Variants in LHFPL3 observed in about 807,000 individuals in gnomAD.
The protein encoded by LHFPL3 is LHFPL tetraspan subfamily member 3, also known as LHFPL tetraspan subfamily member 3 protein.
A neutral mutation model predicts 19.3 loss-of-function variants in LHFPL3; 5 were observed. That is an observed-to-expected ratio of 0.26 (90% CI 0.14 to 0.54). The LOEUF (loss-of-function observed/expected upper bound fraction) is 0.54. Among genes scored for constraint, LHFPL3 ranks in the 20% least tolerant of loss-of-function variants. The pLI is 0.94. For missense variants in LHFPL3, 249 were observed against 307.4 expected (o/e 0.81, Z 1.42); for synonymous variants, 133 against 126.2 (o/e 1.05, Z -0.36).
At chr7:104,881,400 C>T (rs975755538) in intron 2 of LHFPL3, among the ~76,000 whole-genome samples, 16 of 152,250 alleles carry the variant, frequency 1.1e-4, no homozygotes, top group African/African-American at 3.6e-4. Flanking sequence ...TGACTCCAGC[C>T]TTCAAGGATG....
At chr7:104,602,689 T>G (rs879599245) in intron 1 of LHFPL3, among the ~76,000 whole-genome samples, 4 of 152,190 alleles carry the variant, frequency 2.6e-5, no homozygotes, top group Admixed American at 2.6e-4. Flanking sequence ...TTGAAAGATG[T>G]CTTAGTTTAT....
chr7:104,848,287 A>C (rs994982010), intron 2 of LHFPL3, among the ~76,000 whole-genome samples: 4 of 152,190 alleles, frequency 2.6e-5, no homozygotes, highest in Non-Finnish European at 4.4e-5. Context: ...ATGGAAGGGG[A>C]CTATAGGCCC....
At chr7:104,519,832 G>C (rs1473323859) in intron 1 of LHFPL3, among the ~76,000 whole-genome samples, 2 of 152,014 alleles carry the variant, frequency 1.3e-5, no homozygotes, top group South Asian at 4.2e-4. Context: ...TGCCATATTG[G>C]GGGTTGGTCA....
intron 1 of LHFPL3, among the ~76,000 whole-genome samples, chr7:104,630,320 A>G (rs1041291615): frequency 6.6e-6 from 1 of 152,162 alleles, no homozygotes; most frequent in Admixed American, 6.5e-5. Context: ...CTGGGTTTAT[A>G]AGGAGTTAGG....
intron 1 of LHFPL3, among the ~76,000 whole-genome samples, chr7:104,438,995 T>A (rs10085912): frequency 6.6e-6 from 1 of 152,044 alleles, no homozygotes; most frequent in Non-Finnish European, 1.5e-5. Flanking sequence ...TTAGATGAAA[T>A]TGACAATTTT....
intron 2 of LHFPL3, among the ~76,000 whole-genome samples, chr7:104,892,394 C>A (rs1374036994): frequency 6.6e-6 from 1 of 152,046 alleles, no homozygotes; most frequent in Non-Finnish European, 1.5e-5. Context: ...AAAAATCAGA[C>A]AATTTTTCTT....
intron 1 of LHFPL3, among the ~76,000 whole-genome samples, chr7:104,414,024 T>C (rs180731296): frequency 2.7e-3 from 411 of 152,236 alleles, no homozygotes; most frequent in African/African-American, 9.4e-3. Flanking sequence ...AATATTACAG[T>C]ACAGAGTGAA....
intron 1 of LHFPL3, among the ~76,000 whole-genome samples, chr7:104,392,757 A>C (rs1221382953): frequency 1.3e-5 from 2 of 152,124 alleles, no homozygotes; most frequent in African/African-American, 4.8e-5. Flanking sequence ...TTTCAGAAGG[A>C]ATGGTACCAG....
At chr7:104,726,010 C>A (rs1256420736) in intron 1 of LHFPL3, among the ~76,000 whole-genome samples, 1 of 144,456 alleles carries the variant, frequency 6.9e-6, no homozygotes, top group East Asian at 2.1e-4. Context: ...CAAGATCACA[C>A]CACTGCACTC....
intron 1 of LHFPL3, among the ~76,000 whole-genome samples, chr7:104,716,016 C>T (rs1237803971): frequency 6.6e-6 from 1 of 152,132 alleles, no homozygotes; most frequent in Non-Finnish European, 1.5e-5. Context: ...AACTGTAAGT[C>T]CTCACTGGAG....
intron 1 of LHFPL3, among the ~76,000 whole-genome samples, chr7:104,518,658 C>T (rs1022654058): frequency 6.6e-6 from 1 of 152,148 alleles, no homozygotes. Flanking sequence ...GTGGCAGGCA[C>T]CTGCAATCTC....
At position 104,329,160 on chromosome 7, in the gene LHFPL3, C is replaced by T; in HGVS notation, c.381C>T (p.Thr127=). The change falls in exon 1 of 3, where the codon ACC becomes ACT. Residue 127 remains threonine, a synonymous_variant. Transcript: ENST00000424859. ...TCATTGCCTGCATCATTTGCTTTAC[C>T]CTCTTCTTCTTCTGCAACACGGCCA... is the stretch of plus-strand genomic sequence containing the variant. ...MLIIACIICF[T]LFFFCNTATV... 1.2e-6 allele frequency: 2 copies of T among 1,614,054 alleles called. No individual in the cohort carries two copies. The highest frequency in any genetic ancestry group is 1.7e-6 in the Non-Finnish European group (2 of 1,179,890).
chr7:104,821,077 C>T (rs1411862278), intron 2 of LHFPL3, among the ~76,000 whole-genome samples: 1 of 152,134 alleles, frequency 6.6e-6, no homozygotes, highest in Non-Finnish European at 1.5e-5. Context: ...ACCTTCAAAG[C>T]ATCACGGCAA....
intron 1 of LHFPL3, among the ~76,000 whole-genome samples, chr7:104,596,641 G>A (rs1790866864): frequency 6.6e-6 from 1 of 152,186 alleles, no homozygotes; most frequent in South Asian, 2.1e-4. Flanking sequence ...CTAGTAAACA[G>A]AAAACTCTTC....
chr7:104,753,711 A>G (rs1562983175), intron 2 of LHFPL3, among the ~76,000 whole-genome samples: 1 of 152,252 alleles, frequency 6.6e-6, no homozygotes, highest in Non-Finnish European at 1.5e-5. Flanking sequence ...TAAGAAAAAA[A>G]AAAGCTCAAT....
chr7:104,580,648 A>G (rs1790442922), intron 1 of LHFPL3, among the ~76,000 whole-genome samples: 1 of 152,078 alleles, frequency 6.6e-6, no homozygotes, highest in South Asian at 2.1e-4. Context: ...TCAAACATCT[A>G]TAAAGATATA....
At chr7:104,684,980 G>A (rs973923937) in intron 1 of LHFPL3, among the ~76,000 whole-genome samples, 6 of 152,154 alleles carry the variant, frequency 3.9e-5, no homozygotes, top group Non-Finnish European at 8.8e-5. Flanking sequence ...AACAAAATAC[G>A]AATTGATTAT....
chr7:104,432,005 A>T (rs1792012846), intron 1 of LHFPL3, among the ~76,000 whole-genome samples: 1 of 152,132 alleles, frequency 6.6e-6, no homozygotes, highest in Non-Finnish European at 1.5e-5. Flanking sequence ...TGGGCTGCCT[A>T]ATATTTAATA....
At chr7:104,349,976 A>G (rs997863831) in intron 1 of LHFPL3, among the ~76,000 whole-genome samples, 7 of 152,164 alleles carry the variant, frequency 4.6e-5, no homozygotes, top group African/African-American at 1.7e-4. Context: ...AGCTTTCCTT[A>G]TACCAAGTAC....
Sources: allele counts gnomAD v4.1 joint callset (sites outside exome capture counted in the v4.1 genomes callset), GRCh38; gene constraint gnomAD v4.1.1; transcripts MANE v1.5; gene names NCBI Gene and HGNC (gene_info 2026-07-23, HGNC 2026-07-21).